Variants in SPATA16 observed in about 807,000 individuals in gnomAD.
The protein encoded by SPATA16 is spermatogenesis-associated protein 16.
Under a neutral mutation model 63.3 loss-of-function variants are expected in SPATA16, and 36 were observed. That is an observed-to-expected ratio of 0.57 (90% CI 0.44 to 0.75). The LOEUF is 0.75. Ranked by LOEUF, SPATA16 falls within the 30% of genes least tolerant of loss-of-function variation. The pLI, the probability that SPATA16 is intolerant of heterozygous loss-of-function variation, is 0.00. For synonymous variants in SPATA16, 203 were observed against 216.7 expected (o/e 0.94, Z 0.56); for missense variants, 646 against 679.3 (o/e 0.95, Z 0.54).
At chr3:173,140,587 T>C (rs58541331) in intron 1 of SPATA16, among the ~76,000 whole-genome samples, 5,536 of 152,232 alleles carry the variant, frequency 0.036, 340 homozygotes, top group African/African-American at 0.13. Flanking sequence ...CTCCCTAATA[T>C]CCTACTCCTT....
At chr3:172,949,668 AT>A (rs1733381900) in intron 6 of SPATA16, among the ~76,000 whole-genome samples, 1 of 152,200 alleles carries the variant, frequency 6.6e-6, no homozygotes, top group East Asian at 1.9e-4. Context: ...CCTCACTCAT[AT>A]TGAGAACTCC....
chr3:173,060,957 C>G (rs1404785376), intron 2 of SPATA16, among the ~76,000 whole-genome samples: 1 of 152,130 alleles, frequency 6.6e-6, no homozygotes, highest in African/African-American at 2.4e-5. Flanking sequence ...AGAGATTAAT[C>G]CAAGCCAAAT....
At chr3:173,017,114 G>A (rs1735207779) in intron 4 of SPATA16, among the ~76,000 whole-genome samples, 2 of 152,030 alleles carry the variant, frequency 1.3e-5, no homozygotes, top group Non-Finnish European at 2.9e-5. Flanking sequence ...ACAGTTCATA[G>A]CATCCTTTCT....
intron 1 of SPATA16, among the ~76,000 whole-genome samples, chr3:173,130,599 G>A (rs1287210082): frequency 2.0e-5 from 3 of 152,038 alleles, no homozygotes; most frequent in Non-Finnish European, 2.9e-5. Flanking sequence ...ATGTTGTATG[G>A]CACTTATTAC....
intron 2 of SPATA16, among the ~76,000 whole-genome samples, chr3:173,068,673 T>A (rs959250674): frequency 1.3e-5 from 2 of 151,966 alleles, no homozygotes; most frequent in African/African-American, 2.4e-5. Context: ...CTAAAACCTA[T>A]GCAATACAGC....
intron 3 of SPATA16, among the ~76,000 whole-genome samples, chr3:173,028,013 C>T (rs28621579): frequency 0.036 from 1,247 of 34,980 alleles, 111 homozygotes; most frequent in African/African-American, 0.22. Flanking sequence ...CTCCCTCCCT[C>T]CCTTCCTTCT....
rs141762521 is a variant in SPATA16 at position 172,973,912 on chromosome 3, G to A, written c.933+3056C>T. Among the ~76,000 whole-genome samples, 419 of 152,234 alleles carry A rather than the reference G, an allele frequency of 2.8e-3. 3 individuals are homozygous for A. The highest frequency in any genetic ancestry group is 9.3e-3 in the African/African-American group (388 of 41,542). ...CGGGTTGCAGAGGCATTGTGTGCAA[G>A]TACAGTCATGACAAGTTATTTTCAA... On this transcript the variant is annotated intron_variant, in intron 5 of 10. Transcript: ENST00000351008.
intron 4 of SPATA16, among the ~76,000 whole-genome samples, chr3:173,016,052 G>A (rs1735179848): frequency 6.6e-6 from 1 of 152,134 alleles, no homozygotes; most frequent in African/African-American, 2.4e-5. Flanking sequence ...CTTGGTAACG[G>A]GGGTTAGAGC....
chr3:173,119,064 CA>C (rs982791150), intron 1 of SPATA16, among the ~76,000 whole-genome samples: 1 of 152,006 alleles, frequency 6.6e-6, no homozygotes, highest in Non-Finnish European at 1.5e-5. Flanking sequence ...CCCTTAAAAC[CA>C]AACACTGCAT....
At chr3:173,014,393 T>C (rs1178469257) in intron 4 of SPATA16, among the ~76,000 whole-genome samples, 1 of 152,166 alleles carries the variant, frequency 6.6e-6, no homozygotes, top group African/African-American at 2.4e-5. Context: ...TGGGTACTTA[T>C]GGACATAAAG....
At chr3:173,133,108 G>A (rs1303110781) in intron 1 of SPATA16, among the ~76,000 whole-genome samples, 1 of 152,208 alleles carries the variant, frequency 6.6e-6, no homozygotes, top group African/African-American at 2.4e-5. Flanking sequence ...TTTATGGAAA[G>A]AAGCATTACT....
chr3:173,090,285 T>A (rs534952330), intron 2 of SPATA16, among the ~76,000 whole-genome samples: 1 of 152,240 alleles, frequency 6.6e-6, no homozygotes, highest in East Asian at 1.9e-4. Flanking sequence ...TGCTTTGTCA[T>A]GTGATGTGCC....
At chr3:172,936,177 G>A (rs1023689530) in intron 6 of SPATA16, among the ~76,000 whole-genome samples, 1 of 152,164 alleles carries the variant, frequency 6.6e-6, no homozygotes, top group Non-Finnish European at 1.5e-5. Context: ...GTTCTAATGA[G>A]GCAACATTTG....
At chr3:172,895,364 C>T (rs1206162335) in intron 10 of SPATA16, among the ~76,000 whole-genome samples, 1 of 152,124 alleles carries the variant, frequency 6.6e-6, no homozygotes, top group African/African-American at 2.4e-5. Context: ...AGACAAGAGT[C>T]TTGCTGTGTC....
At chr3:172,942,504 A>G (rs1281920888) in intron 6 of SPATA16, among the ~76,000 whole-genome samples, 1 of 149,512 alleles carries the variant, frequency 6.7e-6, no homozygotes, top group East Asian at 1.9e-4. Context: ...CATACAATTA[A>G]TAATCTTAAA....
chr3:173,091,931 T>C (rs1012168226), intron 2 of SPATA16, among the ~76,000 whole-genome samples: 5 of 152,262 alleles, frequency 3.3e-5, no homozygotes, highest in Admixed American at 6.5e-5. Context: ...AGAATATTTA[T>C]ATAGAGAATA....
chr3:172,963,199 C>T (rs914849268), intron 5 of SPATA16, among the ~76,000 whole-genome samples: 2 of 152,150 alleles, frequency 1.3e-5, no homozygotes, highest in Admixed American at 6.5e-5. Context: ...AGAACATTCG[C>T]AATAAGTTTC....
chr3:173,018,495 C>G (rs1435253239), intron 4 of SPATA16, among the ~76,000 whole-genome samples: 3 of 152,066 alleles, frequency 2.0e-5, no homozygotes, highest in Non-Finnish European at 4.4e-5. Context: ...AGGCTGGTCT[C>G]AAACTCCCGA....
chr3:173,072,117 C>A (rs1250057962), intron 2 of SPATA16, among the ~76,000 whole-genome samples: 1 of 151,978 alleles, frequency 6.6e-6, no homozygotes, highest in Non-Finnish European at 1.5e-5. Context: ...TGCATTCACA[C>A]ATCCATCCCT....
Sources: gnomAD v4.1 joint callset for allele counts (sites outside exome capture counted in the v4.1 genomes callset) on GRCh38, gnomAD v4.1.1 for gene constraint, MANE v1.5 for transcripts, NCBI Gene and HGNC (gene_info 2026-07-23, HGNC 2026-07-21) for gene names.